SLC35B4: variants seen among roughly 807,000 people sequenced by gnomAD.
SLC35B4 encodes the protein nucleotide sugar transporter SLC35B4.
Under a neutral mutation model 39.5 loss-of-function variants are expected in SLC35B4, and 28 were observed. That is an observed-to-expected ratio of 0.71 (90% CI 0.53 to 0.97). The LOEUF is 0.97. Among genes scored for constraint, SLC35B4 ranks in the 50% least tolerant of loss-of-function variants. The pLI is 0.00. For synonymous variants in SLC35B4, 145 were observed against 150.4 expected (o/e 0.96, Z 0.26); for missense variants, 334 against 414.3 (o/e 0.81, Z 1.68).
rs2504 is a variant in SLC35B4 at position 134,294,793 on chromosome 7, A to T, written c.*40T>A. The T allele has an allele frequency of 0.47, 756,251 of 1,601,444 alleles. 181,577 individuals are homozygous for T. The highest frequency in any genetic ancestry group is 0.57 in the Admixed American group (34,188 of 59,572). ...GGTGGTCAGACCTTCACAGGGTCCC[A>T]CCCTCACGACGACACTGGTCTACGT... On this transcript the variant is annotated 3_prime_UTR_variant, in exon 10 of 10. Coordinates refer to ENST00000378509, the MANE Select transcript of SLC35B4 (RefSeq NM_032826.5).
intron 1 of SLC35B4, among the ~76,000 whole-genome samples, chr7:134,313,210 T>C (rs959059138): frequency 3.3e-5 from 5 of 152,244 alleles, no homozygotes; most frequent in African/African-American, 1.2e-4. Flanking sequence ...TTGAGCTCTC[T>C]TCCTCAGGAA....
At chr7:134,304,926 G>A in intron 3 of SLC35B4, 72 bp from the exon 4 acceptor site, 1 of 1,151,714 alleles carries the variant, frequency 8.7e-7, no homozygotes, top group Non-Finnish European at 1.3e-6. Context: ...CGAGAGAATA[G>A]GAACATGGGC....
In SLC35B4 at chr7:134,294,822, C is replaced by A; in HGVS notation, c.*11G>T. ...TCACGACGACACTGGTCTACGTACT[C>A]CAGACAGGCCTCAGTTCTTCTTGCT... On this transcript the variant is annotated 3_prime_UTR_variant, in exon 10 of 10. Transcript: ENST00000378509. The A allele has an allele frequency of 6.2e-7, 1 of 1,613,650 alleles. No individual in the cohort carries two copies. Among genetic ancestry groups the A allele is most frequent in the South Asian group, 1.1e-5 (1 of 90,952 alleles).
intron 8 of SLC35B4, among the ~76,000 whole-genome samples, chr7:134,297,529 A>G (rs1302228409): frequency 6.6e-6 from 1 of 152,242 alleles, no homozygotes; most frequent in Non-Finnish European, 1.5e-5. Context: ...GAGGCATTGT[A>G]CATTTGATAA....
At chr7:134,320,132 A>C (rs977631745), upstream of SLC35B4, among the ~76,000 whole-genome samples, 1 of 152,220 alleles carries the variant, frequency 6.6e-6, no homozygotes, top group Non-Finnish European at 1.5e-5. Flanking sequence ...CAAATAAAAA[A>C]ACCCACACAC....
rs1161072940 is a variant in SLC35B4, at chr7:134,292,144, C to T, written c.*2689G>A. 2 of 154,806 alleles carry T rather than the reference C, an allele frequency of 1.3e-5. No individual in the cohort carries two copies. The highest frequency in any genetic ancestry group is 2.4e-5 in the African/African-American group (1 of 41,536). The allele number at this position is 154,806 out of a possible 1,614,324, so 9.6% of individuals were successfully genotyped here. On this transcript the variant is annotated 3_prime_UTR_variant, in exon 10 of 10. Coordinates refer to ENST00000378509, the MANE Select transcript of SLC35B4 (RefSeq NM_032826.5). ...GGAGAGACATTTAATAGACATTTCT[C>T]TTCCAGTTAAGTAGGAGTCTGATCT...
intron 1 of SLC35B4, among the ~76,000 whole-genome samples, chr7:134,314,093 C>T (rs1295325783): frequency 6.6e-6 from 1 of 152,018 alleles, no homozygotes; most frequent in Non-Finnish European, 1.5e-5. Flanking sequence ...AATAGGAGCT[C>T]CTATAATGCA....
intron 8 of SLC35B4, among the ~76,000 whole-genome samples, chr7:134,299,055 T>C (rs1428497504): frequency 2.0e-5 from 3 of 152,228 alleles, no homozygotes; most frequent in Non-Finnish European, 4.4e-5. Context: ...GTCTCATCTG[T>C]AACTAGGAGA....
At chr7:134,295,284 G>A (rs1003873331) in intron 9 of SLC35B4, 6 of 558,578 alleles carry the variant, frequency 1.1e-5, no homozygotes, top group African/African-American at 7.6e-5. Context: ...ATTTGAAACC[G>A]CCAAAAAACC....
rs1021485076 is a variant in SLC35B4, at chr7:134,289,726, C to T, written c.*5107G>A. ...ATACACAAAGGCATTTTTATTGCGC[C>T]GGGGAATAACCACTACTGCTCTCTT... On this transcript the variant is annotated 3_prime_UTR_variant, in exon 10 of 10. Coordinates refer to ENST00000378509, the MANE Select transcript of SLC35B4 (RefSeq NM_032826.5). 6.6e-6 allele frequency: 1 copy of T among 152,156 alleles called. No individual in the cohort carries two copies. The highest frequency in any genetic ancestry group is 2.4e-5 in the African/African-American group (1 of 41,422). 9.4% of individuals were successfully genotyped at this position (152,156 alleles called of 1,614,324 possible).
Position 134,290,055 on chromosome 7 carries a change from T to C in SLC35B4, c.*4778A>G, listed in dbSNP as rs1372498665. 2 of 152,206 alleles carry C rather than the reference T, an allele frequency of 1.3e-5. No homozygotes were observed. The highest frequency in any genetic ancestry group is 4.8e-5 in the African/African-American group (2 of 41,446). The allele number at this position is 152,206 out of a possible 1,614,324, so 9.4% of individuals were successfully genotyped here. Reference sequence around the variant, plus strand: ...AAGCTAACTGTACCAACTATGGAGATGTAAGGGTGGGGCTGGTCACCCCAA... The same window carrying C: ...AAGCTAACTGTACCAACTATGGAGACGTAAGGGTGGGGCTGGTCACCCCAA... On this transcript the variant is annotated 3_prime_UTR_variant, in exon 10 of 10. Transcript: ENST00000378509.
In SLC35B4 at chr7:134,316,811, C is replaced by A; in HGVS notation, c.-60G>T. The A allele has an allele frequency of 4.0e-6, 6 of 1,512,174 alleles. No homozygotes were observed. The highest frequency in any genetic ancestry group is 5.4e-6 in the Non-Finnish European group (6 of 1,119,434). 93.7% of individuals were successfully genotyped at this position (1,512,174 alleles called of 1,614,324 possible). ...GTAAGCGCCCGCCTGTACCGCTACC[C>A]CAGGAAGCCGGCCTCCTGCCTCTTC... On this transcript the variant is annotated 5_prime_UTR_variant, in exon 1 of 10. Coordinates refer to ENST00000378509, the MANE Select transcript of SLC35B4 (RefSeq NM_032826.5).
chr7:134,299,643 A>C, intron 7 of SLC35B4, 45 bp from the exon 8 acceptor site: 2 of 1,481,000 alleles, frequency 1.4e-6, no homozygotes, highest in Non-Finnish European at 1.9e-6. Flanking sequence ...CAAAAACATT[A>C]TAGAATAATT....
intron 7 of SLC35B4, 115 bp from the exon 8 acceptor site, chr7:134,299,713 G>T: frequency 1.2e-6 from 1 of 858,050 alleles, no homozygotes; most frequent in Non-Finnish European, 1.8e-6. Context: ...ACAAAGAAAA[G>T]CAAGTTAGAC....
In SLC35B4 at chr7:134,306,718, G is replaced by T; in HGVS notation, c.248C>A (p.Ala83Asp). 4.3e-6 allele frequency: 7 copies of T among 1,614,010 alleles called. No homozygotes were observed. Among genetic ancestry groups the T allele is most frequent in the Non-Finnish European group, 5.9e-6 (7 of 1,179,980 alleles). ...GGGCATGGCAATGTTGAGATTCAGG[G>T]CATAGTTGTTCACCACGCTCACGGT... ...FFTVSVVNNY[A>D]LNLNIAMPLH... Residue 83 changes from alanine to aspartate, a missense_variant, in exon 3 of 10, where the codon GCC becomes GAC. Ala to Asp is a moderately radical substitution (Grantham distance 126). Transcript: ENST00000378509.
Position 134,294,829 on chromosome 7 carries a change from G to T in SLC35B4, c.*4C>A. On this transcript the variant is annotated 3_prime_UTR_variant, in exon 10 of 10. Transcript: ENST00000378509. Reference sequence around the variant, plus strand: ...GACACTGGTCTACGTACTCCAGACAGGCCTCAGTTCTTCTTGCTGTCCTTC... The same window carrying T: ...GACACTGGTCTACGTACTCCAGACATGCCTCAGTTCTTCTTGCTGTCCTTC... 1 of 1,613,824 alleles carries T rather than the reference G, an allele frequency of 6.2e-7. No individual in the cohort carries two copies. Among genetic ancestry groups the T allele is most frequent in the Non-Finnish European group, 8.5e-7 (1 of 1,179,948 alleles).
At chr7:134,317,582 A>G (rs965770407), upstream of SLC35B4, among the ~76,000 whole-genome samples, 1 of 152,218 alleles carries the variant, frequency 6.6e-6, no homozygotes, top group Non-Finnish European at 1.5e-5. Flanking sequence ...CTGCGCAGTC[A>G]AATCACCTGG....
Position 134,293,861 on chromosome 7 carries a change from C to G in SLC35B4, c.*972G>C, listed in dbSNP as rs1465804268. On this transcript the variant is annotated 3_prime_UTR_variant, in exon 10 of 10. Transcript: ENST00000378509. ...AGGCGGGAGTGCAGTAGCACGACCT[C>G]AGCTCACTGCAACCTTCATCTCCCG... The G allele has an allele frequency of 6.6e-6, 1 of 151,776 alleles. No individual in the cohort carries two copies. Among genetic ancestry groups the G allele is most frequent in the African/African-American group, 2.4e-5 (1 of 41,202 alleles). The allele number at this position is 151,776 out of a possible 1,614,324, so 9.4% of individuals were successfully genotyped here.
intron 3 of SLC35B4, among the ~76,000 whole-genome samples, chr7:134,305,336 G>GTATATATATATATA (rs112975529): frequency 2.7e-5 from 4 of 149,224 alleles, no homozygotes; most frequent in African/African-American, 9.9e-5. Context: ...AAAAATATAC[G>GTATATATATATATA]TATATATATA....
Sources: gnomAD v4.1 joint callset for allele counts (sites outside exome capture counted in the v4.1 genomes callset) on GRCh38, gnomAD v4.1.1 for gene constraint, MANE v1.5 for transcripts, NCBI Gene and HGNC (gene_info 2026-07-23, HGNC 2026-07-21) for gene names.